The following CSTPP1 variants were observed in gnomAD, a reference collection of about 807,000 sequenced individuals.
The protein encoded by CSTPP1 is centriolar satellite-associated tubulin polyglutamylase complex regulator 1, also known as UPF0705 protein C11orf49.
At chr11:47,067,350 T>C in the CSTPP1 span, among the ~76,000 whole-genome samples, 1 of 152,232 alleles carries the variant, frequency 6.6e-6, no homozygotes, top group Admixed American at 6.5e-5. Flanking sequence ...AGTTGTTCAA[T>C]GGTATTATTT....
the CSTPP1 span, among the ~76,000 whole-genome samples, chr11:46,966,755 T>C: frequency 6.6e-6 from 1 of 152,252 alleles, no homozygotes; most frequent in African/African-American, 2.4e-5. Flanking sequence ...CATGTACTTA[T>C]GGGGCAAGGG....
the CSTPP1 span, among the ~76,000 whole-genome samples, chr11:47,141,950 A>AC: frequency 2.0e-5 from 3 of 149,664 alleles, no homozygotes; most frequent in African/African-American, 7.4e-5. Context: ...AAAAAAAAAA[A>AC]AAAAAAAACC....
chr11:47,158,961 AG>A, the CSTPP1 span, among the ~76,000 whole-genome samples: 1 of 152,226 alleles, frequency 6.6e-6, no homozygotes, highest in Non-Finnish European at 1.5e-5. Context: ...GATTAAGGGA[AG>A]GAAAGTTAAC....
chr11:46,967,566 G>A, the CSTPP1 span, among the ~76,000 whole-genome samples: 1 of 151,926 alleles, frequency 6.6e-6, no homozygotes, highest in African/African-American at 2.4e-5. Flanking sequence ...GTGATCTTGG[G>A]CAGGTTACTT....
chr11:47,122,668 C>T, the CSTPP1 span, among the ~76,000 whole-genome samples: 4 of 152,090 alleles, frequency 2.6e-5, no homozygotes, highest in South Asian at 2.1e-4. Flanking sequence ...CTGCAACCTC[C>T]GCCTCCCAGG....
chr11:46,944,116 G>A, the CSTPP1 span, among the ~76,000 whole-genome samples: 46 of 152,110 alleles, frequency 3.0e-4, no homozygotes, highest in African/African-American at 1.0e-3. Context: ...TCAGGAGTTC[G>A]AGACCAGCCT....
chr11:47,079,790 A>T, the CSTPP1 span, among the ~76,000 whole-genome samples: 1 of 152,132 alleles, frequency 6.6e-6, no homozygotes, highest in Non-Finnish European at 1.5e-5. Context: ...TTATATGTTC[A>T]TCTTTCAGAA....
At chr11:46,960,147 G>C in the CSTPP1 span, among the ~76,000 whole-genome samples, 1 of 152,126 alleles carries the variant, frequency 6.6e-6, no homozygotes, top group Non-Finnish European at 1.5e-5. Flanking sequence ...GATTATAGGC[G>C]TGAGCCACTG....
At chr11:47,038,526 C>T in the CSTPP1 span, among the ~76,000 whole-genome samples, 4 of 101,482 alleles carry the variant, frequency 3.9e-5, no homozygotes, top group South Asian at 3.5e-4. Context: ...CCAGTAGGGG[C>T]GGCCGGGCAG....
chr11:47,028,887 G>C, the CSTPP1 span, among the ~76,000 whole-genome samples: 1 of 151,936 alleles, frequency 6.6e-6, no homozygotes, highest in African/African-American at 2.4e-5. Flanking sequence ...ATCCAGGCTG[G>C]AGTGCAGTGA....
the CSTPP1 span, among the ~76,000 whole-genome samples, chr11:46,966,856 A>G: frequency 6.6e-6 from 1 of 152,178 alleles, no homozygotes; most frequent in Non-Finnish European, 1.5e-5. Context: ...TGTCATAACA[A>G]AATATGCAAA....
At chr11:47,163,173 T>TAA in the CSTPP1 span, among the ~76,000 whole-genome samples, 177 of 108,160 alleles carry the variant, frequency 1.6e-3, 3 homozygotes, top group East Asian at 0.011. Context: ...GAGACCATCT[T>TAA]AAAAAAAAAA....
At chr11:46,984,963 A>G in the CSTPP1 span, among the ~76,000 whole-genome samples, 37 of 152,298 alleles carry the variant, frequency 2.4e-4, no homozygotes, top group African/African-American at 8.9e-4. Flanking sequence ...TTTGAAAACA[A>G]TACCAGAAAT....
the CSTPP1 span, among the ~76,000 whole-genome samples, chr11:47,117,706 A>C: frequency 6.6e-5 from 10 of 152,158 alleles, no homozygotes; most frequent in African/African-American, 2.4e-4. Flanking sequence ...GTTCTCCTGG[A>C]TAACATCCTG....
chr11:46,979,002 T>A, the CSTPP1 span, among the ~76,000 whole-genome samples: 1 of 152,248 alleles, frequency 6.6e-6, no homozygotes, highest in African/African-American at 2.4e-5. Context: ...TGTATTAGTA[T>A]CTTATTGCAT....
At chr11:47,078,857 G>A in the CSTPP1 span, among the ~76,000 whole-genome samples, 1 of 152,156 alleles carries the variant, frequency 6.6e-6, no homozygotes, top group Non-Finnish European at 1.5e-5. Context: ...AAAAGGAGAT[G>A]ACTAAAATGA....
chr11:46,955,710 G>A, the CSTPP1 span, among the ~76,000 whole-genome samples: 1 of 151,924 alleles, frequency 6.6e-6, no homozygotes, highest in Non-Finnish European at 1.5e-5. Context: ...AGAAATGGTC[G>A]GCCTAGCGTG....
chr11:47,124,766 AG>A, the CSTPP1 span, among the ~76,000 whole-genome samples: 1 of 152,204 alleles, frequency 6.6e-6, no homozygotes, highest in African/African-American at 2.4e-5. Flanking sequence ...GAAGTTGGGT[AG>A]ATTCATCCTG....
the CSTPP1 span, among the ~76,000 whole-genome samples, chr11:46,999,249 T>C: frequency 6.6e-6 from 1 of 151,394 alleles, no homozygotes; most frequent in Admixed American, 6.6e-5. Context: ...AATTATATAT[T>C]ATAATATGCA....
Sources: gnomAD v4.1 joint callset for allele counts (sites outside exome capture counted in the v4.1 genomes callset) on GRCh38, gnomAD v4.1.1 for gene constraint, MANE v1.5 for transcripts, NCBI Gene and HGNC (gene_info 2026-07-23, HGNC 2026-07-21) for gene names.